DST: variants seen among roughly 807,000 people sequenced by gnomAD.
DST encodes the protein bullous pemphigoid antigen.
Under a neutral mutation model 875.2 loss-of-function variants are expected in DST, and 253 were observed. The observed-to-expected ratio is 0.29, with a 90% CI of 0.26 to 0.32. The LOEUF is 0.32. DST is among the 10% of genes least tolerant of loss of function. The pLI is 1.00. For synonymous variants in DST, 3,124 were observed against 3,197.1 expected (o/e 0.98, Z 0.77); for missense variants, 8,287 against 9,111.6 (o/e 0.91, Z 3.68).
Position 56,942,912 on chromosome 6 carries a change from G to A in DST, c.216+10873C>T, listed in dbSNP as rs116359770. On this transcript the variant is annotated intron_variant, in intron 2 of 103. Transcript: ENST00000680361. The stretch of plus-strand genomic sequence containing the variant: ...TTTAAATTATTTTTTGTATAGACAA[G>A]GTTTTGCTATATTGCCCAGGCCGGT... 8.5e-3 allele frequency among the ~76,000 whole-genome samples: 1,288 copies of A among 151,866 alleles called. 22 individuals carry two copies. Among genetic ancestry groups the A allele is most frequent in the African/African-American group, 0.029 (1,203 of 41,386 alleles).
At chr6:56,573,928 T>C (rs953303938) in intron 50 of DST, 41 bp from the exon 51 acceptor site, 1 of 1,465,422 alleles carries the variant, frequency 6.8e-7, no homozygotes, top group African/African-American at 1.4e-5. Flanking sequence ...CAAAGTTCTC[T>C]TTGCCCTATC....
rs557942866 is a variant in DST at position 56,758,078 on chromosome 6, C to G, written c.626-22789G>C. Among the ~76,000 whole-genome samples, 8 of 152,294 alleles carry G rather than the reference C, an allele frequency of 5.3e-5. No individual in the cohort carries two copies. In the South Asian group the frequency reaches 1.7e-3, roughly 32 times the overall value. On this transcript the variant is annotated intron_variant, in intron 4 of 103. Coordinates refer to ENST00000680361, the MANE Select transcript of DST (RefSeq NM_001374736.1). ...CACAAAGTAAAGAACTTGGTATAAT[C>G]AAGCGCGTACAACTGTAGCAGAAAC...
At chr6:56,584,139 G>GCAAA in intron 49 of DST, among the ~76,000 whole-genome samples, 1 of 151,918 alleles carries the variant, frequency 6.6e-6, no homozygotes, top group Non-Finnish European at 1.5e-5. Flanking sequence ...GAAAGTCATT[G>GCAAA]GTAGCTTGAT....
At chr6:56,792,211 G>A (rs2099726758) in intron 4 of DST, among the ~76,000 whole-genome samples, 1 of 151,534 alleles carries the variant, frequency 6.6e-6, no homozygotes, top group South Asian at 2.1e-4. Context: ...TTAAAGAAGA[G>A]AAAAGGAGGA....
chr6:56,717,024 A>T (rs1160890618), intron 5 of DST, among the ~76,000 whole-genome samples: 1 of 152,060 alleles, frequency 6.6e-6, no homozygotes, highest in Non-Finnish European at 1.5e-5. Context: ...TACTAAAAAA[A>T]TACAAAAAAT....
chr6:56,898,524 G>A (rs1262934671), intron 3 of DST, among the ~76,000 whole-genome samples: 1 of 152,144 alleles, frequency 6.6e-6, no homozygotes, highest in East Asian at 1.9e-4. Context: ...CTAGACTCCT[G>A]GCAAGAGAAA....
chr6:56,667,769 A>C (rs1287348520), intron 10 of DST, among the ~76,000 whole-genome samples: 2 of 151,998 alleles, frequency 1.3e-5, no homozygotes, highest in Non-Finnish European at 2.9e-5. Flanking sequence ...AGGATCTCTG[A>C]CACACAAAAT....
intron 49 of DST, among the ~76,000 whole-genome samples, chr6:56,580,275 G>T (rs569942966): frequency 6.6e-6 from 1 of 152,252 alleles, no homozygotes; most frequent in Non-Finnish European, 1.5e-5. Flanking sequence ...CAGCTGGTGC[G>T]GTGGCTCACT....
At position 56,508,621 on chromosome 6, in the gene DST, C is replaced by T. The variant is rs749988895; in HGVS notation, c.19147G>A (p.Val6383Ile). 7 of 1,613,704 alleles carry T rather than the reference C, an allele frequency of 4.3e-6. No individual in the cohort carries two copies. The highest frequency in any genetic ancestry group is 1.3e-5 in the African/African-American group (1 of 74,900). ...KFWCDHMSLI[V>I]TIKDTQDFIR... ...AAATCTTGAGTATCTTTAATGGTAA[C>T]TATCAATGACATGTGATCACACCAG... The change falls in exon 75 of 104, where the codon GTT becomes ATT. Residue 6383 changes from valine to isoleucine, a missense_variant. By Grantham distance (29) the Val-to-Ile change is conservative. This residue lies in a region of DST where 1,292 missense variants were observed against 1,552.7 expected (regional missense o/e 0.83). Coordinates refer to ENST00000680361, the MANE Select transcript of DST (RefSeq NM_001374736.1).
Position 56,640,585 on chromosome 6 carries a change from T to C in DST, c.2048A>G (p.Glu683Gly). ...ACATTCGTTCCTTAAGGCCATAATT[T>C]CGTCACGCAGTTTTGCAACCCTGAA... is the stretch of plus-strand genomic sequence containing the variant. ...LVQRVAKLRD[E>G]IMALRNECSS... Residue 683 changes from glutamate to glycine, a missense_variant, in exon 18 of 104, where the codon GAA (glutamate) becomes GGA (glycine). Transcript: ENST00000680361. 1 of 1,614,180 alleles carries C rather than the reference T, an allele frequency of 6.2e-7. No homozygotes were observed. The highest frequency in any genetic ancestry group is 8.5e-7 in the Non-Finnish European group (1 of 1,180,028).
intron 3 of DST, among the ~76,000 whole-genome samples, chr6:56,892,417 G>C (rs1220770557): frequency 1.3e-5 from 2 of 151,152 alleles, no homozygotes; most frequent in African/African-American, 4.9e-5. Flanking sequence ...TGGAACTCCG[G>C]GCTCAAGTGA....
At chr6:56,500,627 C>T (rs1333279016) in intron 80 of DST, among the ~76,000 whole-genome samples, 2 of 152,056 alleles carry the variant, frequency 1.3e-5, no homozygotes, top group African/African-American at 4.8e-5. Context: ...AAATGACAAA[C>T]AAGCTGCAAA....
intron 92 of DST, 101 bp from the exon 93 acceptor site, chr6:56,474,103 T>C (rs186072507): frequency 1.4e-5 from 14 of 1,036,254 alleles, no homozygotes; most frequent in Admixed American, 8.1e-5. Context: ...ATGTTATTAT[T>C]TCTGAAGAAG....
chr6:56,707,064 T>TG lies in DST; in HGVS notation c.688-2696dup, dbSNP rs528823069. Among the ~76,000 whole-genome samples, 67 of 152,264 alleles carry TG rather than the reference T, an allele frequency of 4.4e-4. 2 individuals are homozygous for TG. The East Asian group carries it at 5.8e-3, about 13-fold the overall frequency. ...TCCTATGAGAATCTAACGCCATCAC[T>TG]GATCTGACAGGAGGCAGAGCTCAGG... On this transcript the variant is annotated intron_variant, in intron 5 of 103. Coordinates refer to ENST00000680361, the MANE Select transcript of DST (RefSeq NM_001374736.1).
At chr6:56,838,562 A>AC (rs2099796379) in intron 4 of DST, among the ~76,000 whole-genome samples, 1 of 151,202 alleles carries the variant, frequency 6.6e-6, no homozygotes, top group Non-Finnish European at 1.5e-5. Context: ...AACAACAACA[A>AC]AAAAAAAACC....
intron 3 of DST, among the ~76,000 whole-genome samples, chr6:56,887,177 A>G (rs1011357940): frequency 6.6e-6 from 1 of 152,224 alleles, no homozygotes; most frequent in Non-Finnish European, 1.5e-5. Context: ...TGAAGCAGAG[A>G]GGAATCTAGC....
At chr6:56,844,772 T>C (rs527317805) in intron 4 of DST, among the ~76,000 whole-genome samples, 40 of 150,204 alleles carry the variant, frequency 2.7e-4, no homozygotes, top group Non-Finnish European at 4.7e-4. Flanking sequence ...ACTCGGGAGG[T>C]TGAGGCAGAG....
chr6:56,503,189 TAGAA>T (rs1312666143), intron 78 of DST, among the ~76,000 whole-genome samples: 4 of 151,968 alleles, frequency 2.6e-5, no homozygotes, highest in African/African-American at 4.8e-5. Flanking sequence ...TATAAAAAAA[TAGAA>T]AGAATGAATA....
At chr6:56,815,132 A>G (rs1277409313) in intron 4 of DST, among the ~76,000 whole-genome samples, 2 of 152,208 alleles carry the variant, frequency 1.3e-5, no homozygotes, top group Non-Finnish European at 2.9e-5. Flanking sequence ...TGCACTATGC[A>G]GATTAATTTA....
Sources: allele counts gnomAD v4.1 joint callset (sites outside exome capture counted in the v4.1 genomes callset), GRCh38; gene constraint gnomAD v4.1.1; regional missense constraint gnomAD v4.1.1; transcripts MANE v1.5; gene names NCBI Gene and HGNC (gene_info 2026-07-23, HGNC 2026-07-21).